Variants in MCFD2 observed in about 807,000 individuals in gnomAD.
MCFD2 encodes multiple coagulation factor deficiency 2, ER cargo receptor complex subunit, also known as multiple coagulation factor deficiency protein 2.
In MCFD2, 11 loss-of-function variants were observed where a neutral mutation model predicts 12.8. That is an observed-to-expected ratio of 0.86 (90% CI 0.54 to 1.42). MCFD2 has a LOEUF of 1.42. MCFD2 is among the 40% of genes most tolerant of loss of function. The pLI is 0.00. For missense variants in MCFD2, 191 were observed against 178.6 expected (o/e 1.07, Z -0.40); for synonymous variants, 70 against 68.1 (o/e 1.03, Z -0.14).
At chr2:46,939,270 A>C (rs929109879) in intron 1 of MCFD2, among the ~76,000 whole-genome samples, 1 of 151,364 alleles carries the variant, frequency 6.6e-6, no homozygotes, top group Non-Finnish European at 1.5e-5. Context: ...AAGGAATAAA[A>C]TTGGCCAGGC....
At chr2:46,933,169 C>G (rs1331756450) in intron 1 of MCFD2, among the ~76,000 whole-genome samples, 1 of 152,148 alleles carries the variant, frequency 6.6e-6, no homozygotes, top group Admixed American at 6.5e-5. Context: ...TTGTAGCAGT[C>G]TTGCAAAATG....
chr2:46,906,857 G>A (rs1488151358), intron 3 of MCFD2: 1 of 152,184 alleles, frequency 6.6e-6, no homozygotes, highest in African/African-American at 2.4e-5. Flanking sequence ...TTTGTTTTCT[G>A]AGACAGGATC....
chr2:46,928,999 C>T (rs937180754), intron 1 of MCFD2, among the ~76,000 whole-genome samples: 1 of 151,668 alleles, frequency 6.6e-6, no homozygotes, highest in Non-Finnish European at 1.5e-5. Context: ...TCTGTCTCTA[C>T]TAAAAATACA....
rs373928142 is a variant in MCFD2, at chr2:46,921,278, C to G, written c.-7-13309G>C. 6.6e-5 allele frequency among the ~76,000 whole-genome samples: 10 copies of G among 152,074 alleles called. 1 individual carries two copies. The South Asian group carries it at 1.9e-3, about 28-fold the overall frequency. ...CATGCACATAGAAAATCCTAAATAA[C>G]GTAGAAAAAAGCTACTAGAGCTATT... is the stretch of plus-strand genomic sequence containing the variant. On this transcript the variant is annotated intron_variant, in intron 1 of 2. Coordinates refer to the MCFD2 transcript ENST00000409147.
chr2:46,927,147 AG>A (rs1247765437), intron 1 of MCFD2, among the ~76,000 whole-genome samples: 2 of 152,114 alleles, frequency 1.3e-5, no homozygotes, highest in Non-Finnish European at 2.9e-5. Flanking sequence ...TTGGAGTCAC[AG>A]GAGGAGAGGA....
chr2:46,937,588 A>G lies in MCFD2; in HGVS notation c.-8+3984T>C, dbSNP rs948681648. Among the ~76,000 whole-genome samples, 3 of 152,136 alleles carry G rather than the reference A, an allele frequency of 2.0e-5. No homozygotes were observed. The highest frequency in any genetic ancestry group is 4.4e-5 in the Non-Finnish European group (3 of 68,028). The stretch of plus-strand genomic sequence containing the variant: ...ATTGGATGAAAAAGTCAGAATGGAA[A>G]ACCCCCCAATGATGATTTTTTATTT... On this transcript the variant is annotated intron_variant, in intron 1 of 2. Coordinates refer to the MCFD2 transcript ENST00000409147. The surrounding 1 kb of genome is among the most constrained non-coding windows in gnomAD (Gnocchi z 4.0).
chr2:46,936,568 C>T (rs1463891435), intron 1 of MCFD2, among the ~76,000 whole-genome samples: 1 of 152,164 alleles, frequency 6.6e-6, no homozygotes, highest in Non-Finnish European at 1.5e-5. Flanking sequence ...GCTCACCATT[C>T]GCAGACTCTC....
intron 1 of MCFD2, among the ~76,000 whole-genome samples, chr2:46,939,576 C>T (rs148511486): frequency 6.6e-6 from 1 of 152,266 alleles, no homozygotes; most frequent in East Asian, 1.9e-4. Context: ...TGCTCTACAA[C>T]CTGGGGGCAG....
chr2:46,915,936 A>T, upstream of MCFD2: 1 of 985,088 alleles, frequency 1.0e-6, no homozygotes, highest in South Asian at 4.7e-5. Flanking sequence ...TCCACGTGTA[A>T]TCGGCCCGGG....
chr2:46,916,117 G>GCATC, upstream of MCFD2: 1 of 985,574 alleles, frequency 1.0e-6, no homozygotes. Context: ...GGATCCGGAT[G>GCATC]GGGCGGACCC....
chr2:46,915,396 C>T lies in MCFD2; in HGVS notation c.-7+327G>A, dbSNP rs962797131. Among the ~76,000 whole-genome samples, 17 of 152,282 alleles carry T rather than the reference C, an allele frequency of 1.1e-4. No homozygotes were observed. In the East Asian group the frequency reaches 3.1e-3, roughly 28 times the overall value. Reference sequence around the variant, plus strand: ...AAGGAGCAGAGGGAGAGTAAGGCTTCCGGCCCGCTGCTTTTGGGCCGGGCC... The same window carrying T: ...AAGGAGCAGAGGGAGAGTAAGGCTTTCGGCCCGCTGCTTTTGGGCCGGGCC... On this transcript the variant is annotated intron_variant, in intron 1 of 3. Coordinates refer to ENST00000319466, the MANE Select transcript of MCFD2 (RefSeq NM_139279.6).
chr2:46,921,641 T>C (rs1223361568), intron 1 of MCFD2, among the ~76,000 whole-genome samples: 1 of 152,210 alleles, frequency 6.6e-6, no homozygotes, highest in Non-Finnish European at 1.5e-5. Flanking sequence ...AAAGGATCTG[T>C]AAGACAGAAA....
chr2:46,927,115 G>C (rs1284522999), intron 1 of MCFD2, among the ~76,000 whole-genome samples: 1 of 152,112 alleles, frequency 6.6e-6, no homozygotes, highest in East Asian at 1.9e-4. Context: ...AGAGAATTCA[G>C]TGAGGTCTTA....
At chr2:46,905,634 T>G (rs760851015) in intron 3 of MCFD2, 40 bp from the exon 4 acceptor site, 1 of 1,606,718 alleles carries the variant, frequency 6.2e-7, no homozygotes, top group Non-Finnish European at 8.5e-7. Flanking sequence ...TTGCGCATTT[T>G]ACCGGAAGAA....
chr2:46,908,003 C>CA lies in MCFD2; in HGVS notation c.150-35dup. 6.2e-7 allele frequency: 1 copy of CA among 1,612,134 alleles called. No homozygotes were observed. Among genetic ancestry groups the CA allele is most frequent in the South Asian group, 1.1e-5 (1 of 91,050 alleles). ...CAACAGTCAGGTTCAGGCCAATTGA[C>CA]AGATACTGGGATCATGCTGAAATCT... is the stretch of plus-strand genomic sequence containing the variant. On this transcript the variant is annotated intron_variant, in intron 2 of 3. Transcript: ENST00000319466. The surrounding 1 kb of genome is among the most constrained non-coding windows in gnomAD (Gnocchi z 4.5).
chr2:46,941,506 C>T lies in MCFD2; in HGVS notation c.-8+66G>A. On this transcript the variant is annotated intron_variant, in intron 1 of 2. Coordinates refer to the MCFD2 transcript ENST00000409147. This position sits in a 1 kb window ranked among gnomAD's most constrained non-coding sequence, Gnocchi z 4.2. ...GCCGCCCCCGGCCGGGTCTCCACTT[C>T]TTGGCCGCACCTTCCATGACAGCGC... 2 of 1,546,020 alleles carry T rather than the reference C, an allele frequency of 1.3e-6. No homozygotes were observed. Among genetic ancestry groups the T allele is most frequent in the Non-Finnish European group, 1.7e-6 (2 of 1,145,278 alleles).
chr2:46,938,353 T>A (rs1670083180), intron 1 of MCFD2, among the ~76,000 whole-genome samples: 1 of 152,164 alleles, frequency 6.6e-6, no homozygotes. Context: ...TTTTCCTTAA[T>A]ATCAGTAAAC....
At chr2:46,906,475 ATTT>A (rs70940646) in intron 3 of MCFD2, among the ~76,000 whole-genome samples, 5 of 91,698 alleles carry the variant, frequency 5.5e-5, no homozygotes, top group African/African-American at 1.8e-4. Flanking sequence ...AGGCACGAGG[ATTT>A]TTTTTTTTTT....
At position 46,937,912 on chromosome 2, in the gene MCFD2, G is replaced by GA. The variant is rs1670061399; in HGVS notation, c.-8+3659dup. Among the ~76,000 whole-genome samples the GA allele has an allele frequency of 6.6e-6, 1 of 152,118 alleles. No homozygotes were observed. The highest frequency in any genetic ancestry group is 2.4e-5 in the African/African-American group (1 of 41,422). ...TCTGTTCAGCAGGTCATGGACTGAAGAAAACTACTGTGTATATATATGTAA... is the reference window on the plus strand; with the variant it reads ...TCTGTTCAGCAGGTCATGGACTGAAGAAAAACTACTGTGTATATATATGTAA... On this transcript the variant is annotated intron_variant, in intron 1 of 2. Transcript: ENST00000409147. The surrounding 1 kb of genome is among the most constrained non-coding windows in gnomAD (Gnocchi z 4.0).
Sources: allele counts gnomAD v4.1 joint callset (sites outside exome capture counted in the v4.1 genomes callset), GRCh38; gene constraint gnomAD v4.1.1; non-coding constraint Gnocchi (gnomAD v3.1); transcripts MANE v1.5; gene names NCBI Gene and HGNC (gene_info 2026-07-23, HGNC 2026-07-21).